The following TRAK1 variants were observed in gnomAD, a reference collection of about 807,000 sequenced individuals.
TRAK1 encodes the protein trafficking kinesin-binding protein 1.
TRAK1 carries 33 observed loss-of-function variants against 92.1 expected under a neutral mutation model. That is an observed-to-expected ratio of 0.36 (90% CI 0.27 to 0.48). The LOEUF is 0.48. Ranked by LOEUF, TRAK1 falls within the 20% of genes least tolerant of loss-of-function variation. TRAK1 has a pLI of 0.99. For synonymous variants in TRAK1, 521 were observed against 517.3 expected (o/e 1.01, Z -0.10); for missense variants, 1,123 against 1,257.9 (o/e 0.89, Z 1.62).
chr3:42,200,596 G>A (rs181701675), intron 11 of TRAK1, among the ~76,000 whole-genome samples: 2 of 152,270 alleles, frequency 1.3e-5, no homozygotes, highest in African/African-American at 2.4e-5. Context: ...ACAACCATGC[G>A]TTCGAGTCCT....
intron 1 of TRAK1, among the ~76,000 whole-genome samples, chr3:42,032,237 A>G (rs1203601455): frequency 6.6e-6 from 1 of 152,216 alleles, no homozygotes; most frequent in Non-Finnish European, 1.5e-5. Context: ...CTGGTGGAGT[A>G]TGGTAAGAAT....
chr3:42,016,504 C>A (rs1701532394), intron 1 of TRAK1, among the ~76,000 whole-genome samples: 2 of 152,350 alleles, frequency 1.3e-5, no homozygotes, highest in South Asian at 4.1e-4. Flanking sequence ...CACTCCCAGT[C>A]CCTGTCGTTG....
intron 1 of TRAK1, among the ~76,000 whole-genome samples, chr3:42,093,206 G>GA (rs1705358355): frequency 2.0e-5 from 3 of 148,048 alleles, no homozygotes; most frequent in South Asian, 4.3e-4. Context: ...TAATTTAGAA[G>GA]TTTTTTTTTT....
At chr3:42,069,581 G>A (rs1203279052) in intron 1 of TRAK1, among the ~76,000 whole-genome samples, 3 of 152,164 alleles carry the variant, frequency 2.0e-5, no homozygotes, top group Non-Finnish European at 4.4e-5. Flanking sequence ...ACTATATTCT[G>A]TACTTTGTTT....
chr3:42,071,489 C>T (rs1703928570), intron 1 of TRAK1, among the ~76,000 whole-genome samples: 1 of 152,036 alleles, frequency 6.6e-6, no homozygotes. Flanking sequence ...GGGCTGATCA[C>T]CCAAGAGCAA....
intron 14 of TRAK1, chr3:42,211,784 C>T (rs1577039066): frequency 1.0e-6 from 1 of 985,320 alleles, no homozygotes; most frequent in Admixed American, 6.1e-5. Context: ...AAAATAAACA[C>T]TGACATTTTT....
intron 14 of TRAK1, chr3:42,218,007 C>G (rs1280747586): frequency 1.0e-6 from 1 of 984,774 alleles, no homozygotes; most frequent in Non-Finnish European, 1.2e-6. Flanking sequence ...TGAGAGTTTT[C>G]TCCTGTGGCC....
chr3:42,064,095 C>T (rs566840228), intron 1 of TRAK1, among the ~76,000 whole-genome samples: 1 of 152,200 alleles, frequency 6.6e-6, no homozygotes, highest in Non-Finnish European at 1.5e-5. Context: ...ATGCCCAGCC[C>T]TTATTACTAT....
At chr3:42,121,320 C>T (rs1196716586) in intron 1 of TRAK1, among the ~76,000 whole-genome samples, 3 of 143,508 alleles carry the variant, frequency 2.1e-5, no homozygotes, top group Non-Finnish European at 4.5e-5. Flanking sequence ...AGTGCAGTGG[C>T]GCAGTCTCGG....
intron 1 of TRAK1, among the ~76,000 whole-genome samples, chr3:42,098,778 C>T (rs1292586780): frequency 6.6e-6 from 1 of 152,196 alleles, no homozygotes; most frequent in African/African-American, 2.4e-5. Context: ...TGGGAGTCCA[C>T]AGTGTACCCC....
intron 1 of TRAK1, among the ~76,000 whole-genome samples, chr3:42,066,580 G>A (rs1703691642): frequency 6.6e-6 from 1 of 151,932 alleles, no homozygotes; most frequent in Non-Finnish European, 1.5e-5. Context: ...GACCAGTGAG[G>A]AGCTAGTATT....
intron 1 of TRAK1, among the ~76,000 whole-genome samples, chr3:42,102,831 G>T (rs1024515760): frequency 1.4e-5 from 2 of 146,924 alleles, no homozygotes; most frequent in Non-Finnish European, 3.0e-5. Context: ...TTGGCAGCTC[G>T]AAAGTTCTCC....
chr3:42,135,524 T>G (rs9756242), intron 2 of TRAK1, among the ~76,000 whole-genome samples: 6,952 of 152,166 alleles, frequency 0.046, 542 homozygotes, highest in African/African-American at 0.16. Context: ...AGCCAGGCAT[T>G]GAGACCATCC....
At chr3:42,076,988 A>G (rs1381440360) in intron 1 of TRAK1, among the ~76,000 whole-genome samples, 1 of 152,014 alleles carries the variant, frequency 6.6e-6, no homozygotes, top group Admixed American at 6.6e-5. Flanking sequence ...CCATTGATTT[A>G]TGTGTTTGCT....
intron 11 of TRAK1, among the ~76,000 whole-genome samples, chr3:42,199,941 G>A (rs1707285541): frequency 6.6e-6 from 1 of 152,234 alleles, no homozygotes; most frequent in Non-Finnish European, 1.5e-5. Flanking sequence ...AACGTAGTGT[G>A]AGATTCAGAG....
Position 42,023,952 on chromosome 3 carries a change from G to A in TRAK1, c.-519+9835G>A, listed in dbSNP as rs138105121. 5.9e-5 allele frequency among the ~76,000 whole-genome samples: 9 copies of A among 151,846 alleles called. No individual in the cohort carries two copies. The East Asian group carries it at 1.2e-3, about 20-fold the overall frequency. On this transcript the variant is annotated intron_variant, in intron 1 of 16. Coordinates refer to the TRAK1 transcript ENST00000487159. Reference sequence around the variant, plus strand: ...ATATTTTTAGTAGGGATGGGGTTTCGCCATGTTGGCCAGGCTGGTCTCGAA... The same window carrying A: ...ATATTTTTAGTAGGGATGGGGTTTCACCATGTTGGCCAGGCTGGTCTCGAA...
chr3:42,053,101 T>C (rs1703045924), intron 1 of TRAK1, among the ~76,000 whole-genome samples: 3 of 152,212 alleles, frequency 2.0e-5, no homozygotes, highest in Non-Finnish European at 4.4e-5. Context: ...GATTCTTTCC[T>C]TCTGAACAAT....
At chr3:42,120,945 C>T (rs1709769791) in intron 1 of TRAK1, among the ~76,000 whole-genome samples, 1 of 152,194 alleles carries the variant, frequency 6.6e-6, no homozygotes, top group Non-Finnish European at 1.5e-5. Flanking sequence ...AAGTCTTCCA[C>T]CTGTTTAGAA....
intron 2 of TRAK1, chr3:42,145,516 G>T (rs1432665148): frequency 3.3e-5 from 5 of 149,566 alleles, no homozygotes; most frequent in Admixed American, 3.3e-4. Flanking sequence ...GTGCGTTTTT[G>T]AACAAAGATC....
Sources: allele counts gnomAD v4.1 joint callset (sites outside exome capture counted in the v4.1 genomes callset), GRCh38; gene constraint gnomAD v4.1.1; transcripts MANE v1.5; gene names NCBI Gene and HGNC (gene_info 2026-07-23, HGNC 2026-07-21).